The following XKR9 variants were observed in gnomAD, a reference collection of about 807,000 sequenced individuals.
XKR9 encodes XK-related protein 9.
A neutral mutation model predicts 32.0 loss-of-function variants in XKR9; 32 were observed. That is an observed-to-expected ratio of 1.00 (90% CI 0.76 to 1.34). The LOEUF (loss-of-function observed/expected upper bound fraction) is 1.34, where lower values mean the gene tolerates loss of function less well. Ranked by LOEUF, XKR9 falls within the 40% of genes most tolerant of loss-of-function variation. The pLI, the probability that XKR9 is intolerant of heterozygous loss-of-function variation, is 0.00. For missense variants in XKR9, 546 were observed against 429.7 expected, an observed-to-expected ratio of 1.27 and a Z score of -2.39; for synonymous variants, 168 against 143.4, an observed-to-expected ratio of 1.17 and a Z score of -1.22.
chr8:70,728,410 A>G (rs1806549249), intron 4 of XKR9, among the ~76,000 whole-genome samples: 1 of 152,206 alleles, frequency 6.6e-6, no homozygotes, highest in South Asian at 2.1e-4. Context: ...TCATACTCAC[A>G]CAGGGCAGGC....
the XKR9 span, among the ~76,000 whole-genome samples, chr8:71,019,303 A>C: frequency 2.0e-5 from 3 of 152,256 alleles, no homozygotes; most frequent in African/African-American, 7.2e-5. Context: ...CAAGAGACAA[A>C]GCAAGAAAAA....
the XKR9 span, among the ~76,000 whole-genome samples, chr8:70,983,010 T>TA: frequency 5.9e-5 from 9 of 152,230 alleles, no homozygotes; most frequent in African/African-American, 2.2e-4. Context: ...CCATTGTTGT[T>TA]ACATCCAAGA....
At chr8:70,810,093 C>T in the XKR9 span, among the ~76,000 whole-genome samples, 104 of 152,298 alleles carry the variant, frequency 6.8e-4, 1 homozygote, top group Non-Finnish European at 1.1e-3. Flanking sequence ...GCTGATCTCT[C>T]GGCAGAAACT....
At chr8:70,773,547 A>G (rs1807481354) in intron 2 of XKR9, among the ~76,000 whole-genome samples, 1 of 152,190 alleles carries the variant, frequency 6.6e-6, no homozygotes, top group South Asian at 2.1e-4. Context: ...GGGGAGAAAC[A>G]CTTGGATTAA....
intron 4 of XKR9, among the ~76,000 whole-genome samples, chr8:70,717,139 C>G (rs1439601023): frequency 6.6e-6 from 1 of 152,196 alleles, no homozygotes; most frequent in Non-Finnish European, 1.5e-5. Flanking sequence ...CAGCCCCACT[C>G]CAGGCTGCTT....
At chr8:70,816,092 C>G in the XKR9 span, among the ~76,000 whole-genome samples, 1 of 152,032 alleles carries the variant, frequency 6.6e-6, no homozygotes, top group Non-Finnish European at 1.5e-5. Context: ...TGCACTCCAG[C>G]CTGGGCGACA....
the XKR9 span, among the ~76,000 whole-genome samples, chr8:70,828,699 T>C: frequency 0.55 from 78,632 of 143,578 alleles, 21,887 homozygotes; most frequent in Middle Eastern, 0.64. Flanking sequence ...CCAGCCTGGG[T>C]GACAGAGGAA....
the XKR9 span, among the ~76,000 whole-genome samples, chr8:70,966,298 G>C: frequency 5.3e-5 from 8 of 151,922 alleles, no homozygotes; most frequent in Non-Finnish European, 1.5e-5. Context: ...ACCCAGGCTG[G>C]GGTTCAGTGG....
At chr8:70,863,254 A>G in the XKR9 span, among the ~76,000 whole-genome samples, 1 of 152,182 alleles carries the variant, frequency 6.6e-6, no homozygotes, top group Non-Finnish European at 1.5e-5. Context: ...ATGGCTAATA[A>G]TTAAGGCTAT....
chr8:71,060,317 T>C, the XKR9 span, among the ~76,000 whole-genome samples: 1 of 152,318 alleles, frequency 6.6e-6, no homozygotes, highest in East Asian at 1.9e-4. Context: ...CAGAAGTCCT[T>C]GACCAAGTTG....
chr8:71,042,635 C>T, the XKR9 span, among the ~76,000 whole-genome samples: 5 of 151,768 alleles, frequency 3.3e-5, no homozygotes, highest in African/African-American at 1.2e-4. Context: ...GACAAGGCTA[C>T]AGAAAAATGT....
the XKR9 span, among the ~76,000 whole-genome samples, chr8:70,891,681 G>A: frequency 1.1e-4 from 16 of 152,074 alleles, no homozygotes; most frequent in Non-Finnish European, 2.2e-4. Flanking sequence ...CCTAACATGT[G>A]GTTTATACTG....
the XKR9 span, among the ~76,000 whole-genome samples, chr8:70,880,528 AC>A: frequency 6.6e-6 from 1 of 152,150 alleles, no homozygotes; most frequent in Non-Finnish European, 1.5e-5. Context: ...CAGAATTGCT[AC>A]AAAGAGAATA....
chr8:71,047,906 C>G, the XKR9 span, among the ~76,000 whole-genome samples: 1 of 152,174 alleles, frequency 6.6e-6, no homozygotes, highest in Non-Finnish European at 1.5e-5. Flanking sequence ...CTTGGAGTTA[C>G]TAAAAGCCAT....
the XKR9 span, among the ~76,000 whole-genome samples, chr8:71,000,222 A>G: frequency 1.1e-4 from 16 of 152,378 alleles, no homozygotes; most frequent in South Asian, 3.1e-3. Context: ...AGTGTTATTA[A>G]ATGATTTGAA....
chr8:70,736,279 T>A (rs1458033054), downstream of XKR9, among the ~76,000 whole-genome samples: 1 of 151,854 alleles, frequency 6.6e-6, no homozygotes, highest in African/African-American at 2.4e-5. Context: ...TTGAGAAGTG[T>A]CTGTTCATGT....
intron 2 of XKR9, among the ~76,000 whole-genome samples, chr8:70,768,547 G>C (rs920924206): frequency 6.6e-6 from 1 of 151,996 alleles, no homozygotes; most frequent in African/African-American, 2.4e-5. Context: ...TTATTGTGTG[G>C]GAGTCTAAGT....
At chr8:71,014,939 C>T in the XKR9 span, among the ~76,000 whole-genome samples, 1 of 152,146 alleles carries the variant, frequency 6.6e-6, no homozygotes, top group Non-Finnish European at 1.5e-5. Context: ...TCTCCTTTGC[C>T]AGATCCCTAA....
chr8:70,982,636 C>T, the XKR9 span, among the ~76,000 whole-genome samples: 6 of 152,216 alleles, frequency 3.9e-5, no homozygotes, highest in South Asian at 1.2e-3. Flanking sequence ...GAAAGCAAGC[C>T]GACTCAAAGG....
Sources: allele counts gnomAD v4.1 joint callset (sites outside exome capture counted in the v4.1 genomes callset), GRCh38; gene constraint gnomAD v4.1.1; transcripts MANE v1.5; gene names NCBI Gene and HGNC (gene_info 2026-07-23, HGNC 2026-07-21).